USH1C: variants seen among roughly 807,000 people sequenced by gnomAD.
USH1C encodes USH1 protein network component harmonin.
A neutral mutation model predicts 119.3 loss-of-function variants in USH1C; 90 were observed. The ratio of observed to expected loss-of-function variants is 0.75; its 90% confidence interval spans 0.64 to 0.90. The LOEUF is 0.90. Ranked by LOEUF, USH1C falls within the 40% of genes least tolerant of loss-of-function variation. The probability of loss-of-function intolerance (pLI) is 0.00; values close to 1 mark genes in which losing one functional copy is unlikely to be tolerated. For missense variants in USH1C, 1,165 were observed against 1,167.7 expected (o/e 1.00, Z 0.03); for synonymous variants, 465 against 443.3 (o/e 1.05, Z -0.62).
chr11:17,504,789 G>T, intron 19 of USH1C, 92 bp from the exon 20 acceptor site: 1 of 1,371,252 alleles, frequency 7.3e-7, no homozygotes, highest in Admixed American at 1.8e-5. Flanking sequence ...TGCCAGTCTG[G>T]GGCTGCCGTG....
In USH1C at chr11:17,523,235, C is replaced by G. The variant is rs1318343066; in HGVS notation, c.852G>C (p.Leu284=). ...CAGCTGCAGCTACAATGGAGATGGT[C>G]AGGCTGCGGCTACTCTTCAGCACAT... ...AVNVLKSSRS[L]TISIVAAAGR... Residue 284 remains leucine, a synonymous_variant, in exon 11 of 27, where the codon CTG becomes CTC. Coordinates refer to ENST00000005226, the MANE Select transcript of USH1C (RefSeq NM_153676.4). 1.9e-6 allele frequency: 3 copies of G among 1,614,140 alleles called. No homozygotes were observed. The highest frequency in any genetic ancestry group is 2.2e-5 in the South Asian group (2 of 91,040).
intron 15 of USH1C, among the ~76,000 whole-genome samples, chr11:17,515,889 G>T (rs1348576328): frequency 2.0e-5 from 3 of 152,202 alleles, no homozygotes; most frequent in Non-Finnish European, 4.4e-5. Flanking sequence ...CCGATAATTT[G>T]CTCTGTCTGA....
chr11:17,523,119 C>T (rs1850492342), intron 11 of USH1C, 92 bp downstream of exon 11: 2 of 1,588,340 alleles, frequency 1.3e-6, no homozygotes, highest in Admixed American at 1.7e-5. Flanking sequence ...GGGAAGGAGA[C>T]CAGCCACCCT....
chr11:17,508,415 C>T (rs149536652), intron 18 of USH1C, among the ~76,000 whole-genome samples: 1 of 152,342 alleles, frequency 6.6e-6, no homozygotes, highest in East Asian at 1.9e-4. Flanking sequence ...AACTCAAATC[C>T]ATGCAGGGAA....
chr11:17,523,197 C>T lies in USH1C; in HGVS notation c.876+14G>A. 6.2e-7 allele frequency: 1 copy of T among 1,614,118 alleles called. No individual in the cohort carries two copies. Among genetic ancestry groups the T allele is most frequent in the Non-Finnish European group, 8.5e-7 (1 of 1,179,974 alleles). ...GAAGGTCAAGGGGCTCCCACCAGCT[C>T]ATTCTGGACTTACAGCTGCAGCTAC... On this transcript the variant is annotated intron_variant, in intron 11 of 26. Transcript: ENST00000005226.
At chr11:17,512,259 A>G (rs1591984056) in intron 15 of USH1C, among the ~76,000 whole-genome samples, 1 of 152,026 alleles carries the variant, frequency 6.6e-6, no homozygotes, top group African/African-American at 2.4e-5. Flanking sequence ...CATTCTCTTT[A>G]CCAGCCAGAA....
intron 4 of USH1C, among the ~76,000 whole-genome samples, chr11:17,530,469 T>C (rs973387546): frequency 1.1e-4 from 16 of 152,266 alleles, no homozygotes; most frequent in African/African-American, 3.9e-4. Flanking sequence ...ATCCGTTCAA[T>C]GCATATAGCA....
intron 21 of USH1C, 88 bp downstream of exon 21, chr11:17,501,851 C>T: frequency 6.8e-7 from 1 of 1,471,182 alleles, no homozygotes; most frequent in South Asian, 1.2e-5. Flanking sequence ...GACCCCAAGG[C>T]CCAGAATGCA....
At chr11:17,500,950 A>G (rs1849413473) in intron 23 of USH1C, 101 bp downstream of exon 23, 3 of 963,186 alleles carry the variant, frequency 3.1e-6, no homozygotes, top group Non-Finnish European at 4.9e-6. Context: ...TTCTCCAGCA[A>G]CCGTCAGCCC....
At chr11:17,536,272 T>C (rs1851227156) in intron 1 of USH1C, among the ~76,000 whole-genome samples, 2 of 152,238 alleles carry the variant, frequency 1.3e-5, no homozygotes, top group African/African-American at 4.8e-5. Context: ...AGAGAATCTC[T>C]TATTGACTGA....
intron 15 of USH1C, among the ~76,000 whole-genome samples, chr11:17,513,557 A>C (rs1849996467): frequency 6.6e-6 from 1 of 152,162 alleles, no homozygotes; most frequent in African/African-American, 2.4e-5. Flanking sequence ...TGCTCTGGAA[A>C]TGGTCACCTC....
At chr11:17,543,489 T>C (rs1265233917) in intron 1 of USH1C, among the ~76,000 whole-genome samples, 2 of 152,240 alleles carry the variant, frequency 1.3e-5, no homozygotes, top group African/African-American at 4.8e-5. Flanking sequence ...CTGGATCTCT[T>C]TGATGGCCCT....
intron 1 of USH1C, among the ~76,000 whole-genome samples, chr11:17,538,009 C>T (rs1851297847): frequency 6.6e-6 from 1 of 152,214 alleles, no homozygotes; most frequent in East Asian, 1.9e-4. Context: ...TTGTTGTCCA[C>T]TTGTCCATTA....
Position 17,509,513 on chromosome 11 carries a change from G to C in USH1C, c.1856C>G (p.Thr619Ser), listed in dbSNP as rs1463621795. The stretch of plus-strand genomic sequence containing the variant: ...TTCCAGCGCCGAGGGCAGTGGGCGG[G>C]TGGGAGTGAGGTCTTGGGTGGGAAC... ...PSVPTQDLTP[T>S]RPLPSALEEA... The change falls in exon 18 of 27, where the codon ACC becomes AGC. Residue 619 changes from threonine to serine, a missense_variant. Physicochemically the swap from Thr to Ser is moderately conservative, Grantham distance 58. Transcript: ENST00000005226. 6.2e-7 allele frequency: 1 copy of C among 1,612,298 alleles called. No individual in the cohort carries two copies. The highest frequency in any genetic ancestry group is 1.1e-5 in the South Asian group (1 of 90,912).
chr11:17,534,360 C>T (rs1332671500), intron 1 of USH1C, among the ~76,000 whole-genome samples: 1 of 152,218 alleles, frequency 6.6e-6, no homozygotes. Flanking sequence ...CATGCTGGGC[C>T]CAGCCCTTGG....
intron 23 of USH1C, among the ~76,000 whole-genome samples, chr11:17,499,701 A>C (rs1395482414): frequency 1.3e-5 from 2 of 152,210 alleles, no homozygotes; most frequent in Non-Finnish European, 2.9e-5. Context: ...ATGAAAGCTT[A>C]AAGTGTGAAG....
At chr11:17,519,495 C>T (rs1213450970) in intron 14 of USH1C, among the ~76,000 whole-genome samples, 2 of 152,220 alleles carry the variant, frequency 1.3e-5, no homozygotes, top group Non-Finnish European at 2.9e-5. Context: ...GGTGTGTTTG[C>T]TGTGAAGCTG....
intron 20 of USH1C, 89 bp from the exon 21 acceptor site, chr11:17,502,069 A>C: frequency 7.2e-7 from 1 of 1,397,742 alleles, no homozygotes; most frequent in Non-Finnish European, 1.0e-6. Context: ...GTCGGAATCC[A>C]AGGGTCAGAA....
intron 13 of USH1C, 127 bp from the exon 14 acceptor site, chr11:17,521,121 G>A: frequency 7.4e-7 from 1 of 1,343,804 alleles, no homozygotes; most frequent in Non-Finnish European, 1.1e-6. Flanking sequence ...ATCAAGCAAA[G>A]TCCCCGAGCT....
Sources: allele counts gnomAD v4.1 joint callset (sites outside exome capture counted in the v4.1 genomes callset), GRCh38; gene constraint gnomAD v4.1.1; transcripts MANE v1.5; gene names NCBI Gene and HGNC (gene_info 2026-07-23, HGNC 2026-07-21).